The following SLC24A2 variants were observed in gnomAD, a reference collection of about 807,000 sequenced individuals.
SLC24A2 encodes solute carrier family 24 member 2.
A neutral mutation model predicts 62.0 loss-of-function variants in SLC24A2; 36 were observed. That is an observed-to-expected ratio of 0.58 (90% CI 0.44 to 0.77). The LOEUF (loss-of-function observed/expected upper bound fraction) is 0.77, where lower values mean the gene tolerates loss of function less well. SLC24A2 is among the 30% of genes least tolerant of loss of function. The pLI is 0.00. For synonymous variants in SLC24A2, 358 were observed against 294.0 expected, an observed-to-expected ratio of 1.22 and a Z score of -2.23; for missense variants, 846 against 817.9, an observed-to-expected ratio of 1.03 and a Z score of -0.42.
upstream of SLC24A2, among the ~76,000 whole-genome samples, chr9:19,793,713 T>C (rs1823346089): frequency 6.6e-6 from 1 of 152,182 alleles, no homozygotes; most frequent in Non-Finnish European, 1.5e-5. Context: ...AATCCAATAA[T>C]GTCTCCAAAG....
the SLC24A2 span, among the ~76,000 whole-genome samples, chr9:20,076,884 T>C: frequency 1.1e-5 from 1 of 90,852 alleles, no homozygotes; most frequent in Non-Finnish European, 2.3e-5. Flanking sequence ...TATATATACA[T>C]ATCATATGTG....
the SLC24A2 span, among the ~76,000 whole-genome samples, chr9:20,160,728 G>T: frequency 6.6e-6 from 1 of 150,920 alleles, no homozygotes; most frequent in Admixed American, 6.6e-5. Flanking sequence ...AAAAACCTAC[G>T]TATTAGAATC....
chr9:20,151,697 G>A, the SLC24A2 span, among the ~76,000 whole-genome samples: 1 of 151,818 alleles, frequency 6.6e-6, no homozygotes, highest in African/African-American at 2.4e-5. Context: ...CAAGGGTGGG[G>A]AATGTCACCA....
the SLC24A2 span, among the ~76,000 whole-genome samples, chr9:20,278,179 A>G: frequency 6.6e-6 from 1 of 152,176 alleles, no homozygotes; most frequent in Non-Finnish European, 1.5e-5. Flanking sequence ...GCACATGTAT[A>G]CATATGTAAC....
the SLC24A2 span, among the ~76,000 whole-genome samples, chr9:19,868,591 G>T: frequency 6.6e-6 from 1 of 151,984 alleles, no homozygotes; most frequent in Non-Finnish European, 1.5e-5. Context: ...TATTATTTTT[G>T]TCTATTTCTC....
At chr9:20,242,438 T>G in the SLC24A2 span, among the ~76,000 whole-genome samples, 1 of 152,220 alleles carries the variant, frequency 6.6e-6, no homozygotes, top group Admixed American at 6.5e-5. Flanking sequence ...AATCCAGAGC[T>G]TTGGCTCCAG....
In SLC24A2 at chr9:19,748,961, T is replaced by C. The variant is rs181569751; in HGVS notation, c.930+36976A>G. Among the ~76,000 whole-genome samples the C allele has an allele frequency of 8.9e-4, 135 of 151,780 alleles. 1 individual carries two copies. Among genetic ancestry groups the C allele is most frequent in the African/African-American group, 3.1e-3 (128 of 41,356 alleles). On this transcript the variant is annotated intron_variant, in intron 2 of 10. Transcript: ENST00000341998. ...AGGTTGCTGTACCAGATTGTGTAAGTTCCTTCTCTCTAGAGACCTTGAAGT... is the reference window on the plus strand; with the variant it reads ...AGGTTGCTGTACCAGATTGTGTAAGCTCCTTCTCTCTAGAGACCTTGAAGT...
chr9:19,838,870 A>G, the SLC24A2 span, among the ~76,000 whole-genome samples: 1 of 152,152 alleles, frequency 6.6e-6, no homozygotes, highest in Admixed American at 6.5e-5. Context: ...CAATGGCAAC[A>G]AAAGCCGAAA....
Position 19,573,404 on chromosome 9 carries a change from C to G in SLC24A2, c.1294G>C (p.Glu432Gln). The change falls in exon 7 of 11, where the codon GAA becomes CAA. Residue 432 changes from glutamate to glutamine, a missense_variant. Coordinates refer to ENST00000341998, the MANE Select transcript of SLC24A2 (RefSeq NM_020344.4). ...GAGAGATTTCCATTTTGTACAGGTT[C>G]TGAAGCATCACTGGATGGTGTCATT... ...VEMTPSSDAS[E>Q]PVQNGNLSHN... 6.2e-7 allele frequency: 1 copy of G among 1,613,724 alleles called. No individual in the cohort carries two copies. The highest frequency in any genetic ancestry group is 8.5e-7 in the Non-Finnish European group (1 of 1,179,824).
At chr9:19,610,745 T>C (rs187295022) in intron 4 of SLC24A2, among the ~76,000 whole-genome samples, 13 of 152,180 alleles carry the variant, frequency 8.5e-5, no homozygotes, top group Admixed American at 7.9e-4. Flanking sequence ...ATCAAGTAAA[T>C]AGAACTTTGT....
chr9:19,832,352 A>G, the SLC24A2 span, among the ~76,000 whole-genome samples: 1 of 152,244 alleles, frequency 6.6e-6, no homozygotes, highest in South Asian at 2.1e-4. Context: ...AACCTACTTA[A>G]TTAAACATGT....
chr9:19,711,890 C>T (rs755651953), intron 2 of SLC24A2, among the ~76,000 whole-genome samples: 7 of 152,096 alleles, frequency 4.6e-5, no homozygotes, highest in East Asian at 1.9e-4. Context: ...GAGCTCTAAA[C>T]GCAAGTTGCC....
At chr9:19,976,502 G>A in the SLC24A2 span, among the ~76,000 whole-genome samples, 4 of 152,170 alleles carry the variant, frequency 2.6e-5, no homozygotes, top group Admixed American at 1.3e-4. Context: ...TACTGTGACT[G>A]TAAATTTCCT....
At chr9:20,080,782 A>G in the SLC24A2 span, among the ~76,000 whole-genome samples, 1 of 152,022 alleles carries the variant, frequency 6.6e-6, no homozygotes, top group Non-Finnish European at 1.5e-5. Flanking sequence ...AATTTACAAG[A>G]AAAAAACAAA....
intron 8 of SLC24A2, among the ~76,000 whole-genome samples, chr9:19,533,254 T>A (rs1234520883): frequency 6.6e-6 from 1 of 152,212 alleles, no homozygotes; most frequent in African/African-American, 2.4e-5. Context: ...GAGGCAGAGC[T>A]GCCAGGCCCT....
At chr9:19,776,461 C>T (rs967941498) in intron 2 of SLC24A2, among the ~76,000 whole-genome samples, 12 of 152,206 alleles carry the variant, frequency 7.9e-5, no homozygotes, top group Admixed American at 5.2e-4. Flanking sequence ...AAATCCCTCT[C>T]TTCTCTTGAC....
the SLC24A2 span, among the ~76,000 whole-genome samples, chr9:20,056,235 T>C: frequency 1.3e-5 from 2 of 152,216 alleles, no homozygotes; most frequent in African/African-American, 2.4e-5. Context: ...TGTGTACATG[T>C]ATATATTCAT....
the SLC24A2 span, among the ~76,000 whole-genome samples, chr9:20,199,725 T>TC: frequency 6.6e-5 from 10 of 150,604 alleles, no homozygotes; most frequent in Non-Finnish European, 5.9e-5. Context: ...TTTCTTTCTT[T>TC]TTTTTTTTTT....
At chr9:19,652,574 G>A (rs938143336) in intron 2 of SLC24A2, among the ~76,000 whole-genome samples, 2 of 152,066 alleles carry the variant, frequency 1.3e-5, no homozygotes, top group Non-Finnish European at 2.9e-5. Flanking sequence ...GATTGAAGAG[G>A]CAAAGAGACA....
Sources: gnomAD v4.1 joint callset for allele counts (sites outside exome capture counted in the v4.1 genomes callset) on GRCh38, gnomAD v4.1.1 for gene constraint, MANE v1.5 for transcripts, NCBI Gene and HGNC (gene_info 2026-07-23, HGNC 2026-07-21) for gene names.